KATNBL1: variants seen among roughly 807,000 people sequenced by gnomAD.
KATNBL1 encodes the protein KATNB1-like protein 1.
A neutral mutation model predicts 44.7 loss-of-function variants in KATNBL1; 28 were observed. The observed-to-expected ratio is 0.63, with a 90% CI of 0.46 to 0.86. The LOEUF (loss-of-function observed/expected upper bound fraction) is 0.86, where lower values mean the gene tolerates loss of function less well. Among genes scored for constraint, KATNBL1 ranks in the 40% least tolerant of loss-of-function variants. The probability of loss-of-function intolerance (pLI) is 0.00; values close to 1 mark genes in which losing one functional copy is unlikely to be tolerated. For missense variants in KATNBL1, 272 were observed against 350.7 expected, an observed-to-expected ratio of 0.78 and a Z score of 1.79; for synonymous variants, 78 against 114.9, an observed-to-expected ratio of 0.68 and a Z score of 2.06.
chr15:34,179,472 G>A (rs1178350282), intron 1 of KATNBL1, among the ~76,000 whole-genome samples: 1 of 152,054 alleles, frequency 6.6e-6, no homozygotes, highest in African/African-American at 2.4e-5. Context: ...ACTCTGGAGC[G>A]CACATTGAAA....
chr15:34,165,656 C>T (rs528079290), intron 1 of KATNBL1, among the ~76,000 whole-genome samples: 2 of 152,044 alleles, frequency 1.3e-5, no homozygotes, highest in African/African-American at 4.8e-5. Flanking sequence ...ATTAGCAGGG[C>T]GTGGTGGTGG....
At chr15:34,145,200 T>C (rs781675029) in intron 9 of KATNBL1, 198 bp downstream of exon 9, 2 of 1,373,718 alleles carry the variant, frequency 1.5e-6, no homozygotes, top group South Asian at 2.5e-5. Context: ...TGAAACATGT[T>C]CAATGGCCAA....
At chr15:34,185,605 A>G (rs1239768561) in intron 1 of KATNBL1, among the ~76,000 whole-genome samples, 1 of 152,250 alleles carries the variant, frequency 6.6e-6, no homozygotes, top group Non-Finnish European at 1.5e-5. Flanking sequence ...TGTTACCAGA[A>G]CAGCAGGGGT....
At chr15:34,170,033 C>A (rs553599853) in intron 1 of KATNBL1, among the ~76,000 whole-genome samples, 406 of 152,290 alleles carry the variant, frequency 2.7e-3, no homozygotes, top group Middle Eastern at 6.8e-3. Flanking sequence ...TGGCACAAGA[C>A]ACGGATGCCC....
At chr15:34,158,899 A>G (rs182452089) in intron 2 of KATNBL1, among the ~76,000 whole-genome samples, 65 of 152,316 alleles carry the variant, frequency 4.3e-4, no homozygotes, top group Non-Finnish European at 7.5e-4. Context: ...TTCTTAAATC[A>G]GGTCTGACTT....
chr15:34,143,191 G>A (rs1367067137), intron 9 of KATNBL1, among the ~76,000 whole-genome samples: 1 of 151,642 alleles, frequency 6.6e-6, no homozygotes, highest in Non-Finnish European at 1.5e-5. Context: ...AAAACTGATT[G>A]TGGCCGGGTG....
intron 1 of KATNBL1, among the ~76,000 whole-genome samples, chr15:34,186,103 T>C (rs562840322): frequency 1.3e-5 from 2 of 152,204 alleles, no homozygotes; most frequent in Non-Finnish European, 2.9e-5. Context: ...TTTCTATTTA[T>C]TAGTCCCTCG....
At chr15:34,191,294 A>G (rs1597458655) in intron 1 of KATNBL1, among the ~76,000 whole-genome samples, 1 of 151,828 alleles carries the variant, frequency 6.6e-6, no homozygotes, top group Admixed American at 6.6e-5. Context: ...GACTGTTAAC[A>G]TAACAGTCTA....
intron 4 of KATNBL1, among the ~76,000 whole-genome samples, chr15:34,149,986 T>C (rs931282618): frequency 2.0e-5 from 3 of 152,276 alleles, no homozygotes; most frequent in Non-Finnish European, 4.4e-5. Context: ...TCCTGATATA[T>C]GTAAATATGT....
intron 9 of KATNBL1, among the ~76,000 whole-genome samples, chr15:34,143,741 A>G (rs1256113190): frequency 6.7e-6 from 1 of 149,482 alleles, no homozygotes; most frequent in African/African-American, 2.5e-5. Flanking sequence ...TGAGGTCAAG[A>G]GATCAAGACC....
intron 1 of KATNBL1, among the ~76,000 whole-genome samples, chr15:34,186,029 T>A (rs1889705427): frequency 6.6e-6 from 1 of 152,238 alleles, no homozygotes; most frequent in Non-Finnish European, 1.5e-5. Context: ...TCAATTTCTA[T>A]GTTTATTCAA....
At chr15:34,161,257 T>C (rs907359898) in intron 2 of KATNBL1, among the ~76,000 whole-genome samples, 4 of 152,232 alleles carry the variant, frequency 2.6e-5, no homozygotes, top group African/African-American at 7.2e-5. Flanking sequence ...ATTATTTTTT[T>C]TCCCCCAAGT....
chr15:34,173,400 T>C (rs1282784698), intron 1 of KATNBL1, among the ~76,000 whole-genome samples: 1 of 152,086 alleles, frequency 6.6e-6, no homozygotes, highest in South Asian at 2.1e-4. Flanking sequence ...CATGTAAAAA[T>C]GACAGATACA....
At chr15:34,198,012 C>T (rs1219265604) in intron 1 of KATNBL1, among the ~76,000 whole-genome samples, 1 of 152,170 alleles carries the variant, frequency 6.6e-6, no homozygotes, top group African/African-American at 2.4e-5. Flanking sequence ...CGGCCTCCCA[C>T]ACAAAGTGCT....
rs546492552 is a variant in KATNBL1, at chr15:34,171,156, G to A, written c.-14-7466C>T. 1.1e-4 allele frequency among the ~76,000 whole-genome samples: 16 copies of A among 152,268 alleles called. No individual in the cohort carries two copies. The South Asian group carries it at 3.3e-3, about 32-fold the overall frequency. ...CATCAGAGTGAACAGGCAGCCTATA[G>A]AACGGGAGAAAATTTTTGCAATCTA... is the stretch of plus-strand genomic sequence containing the variant. On this transcript the variant is annotated intron_variant, in intron 1 of 9. Coordinates refer to ENST00000256544, the MANE Select transcript of KATNBL1 (RefSeq NM_024713.3).
chr15:34,198,006 C>G lies in KATNBL1; in HGVS notation c.-15+11945G>C, dbSNP rs1347662327. 2.0e-5 allele frequency among the ~76,000 whole-genome samples: 3 copies of G among 152,318 alleles called. No homozygotes were observed. In the East Asian group the frequency reaches 5.8e-4, roughly 29 times the overall value. ...CAGGTAATCCATTCGCTGCCTCGGC[C>G]TCCCACACAAAGTGCTGGGATTATA... On this transcript the variant is annotated intron_variant, in intron 1 of 9. Transcript: ENST00000256544.
At chr15:34,162,509 A>G (rs1482200112) in intron 2 of KATNBL1, among the ~76,000 whole-genome samples, 1 of 152,216 alleles carries the variant, frequency 6.6e-6, no homozygotes, top group Non-Finnish European at 1.5e-5. Flanking sequence ...AAAACGGAAT[A>G]ATACAACATC....
chr15:34,186,870 C>T (rs921086585), intron 1 of KATNBL1, among the ~76,000 whole-genome samples: 2 of 152,184 alleles, frequency 1.3e-5, no homozygotes, highest in African/African-American at 4.8e-5. Flanking sequence ...CCAGGGAGGA[C>T]CTGAAGGAAG....
chr15:34,209,024 A>C (rs750663289), intron 1 of KATNBL1: 2 of 152,192 alleles, frequency 1.3e-5, no homozygotes, highest in African/African-American at 2.4e-5. Context: ...AGCTCTTAAT[A>C]CGCCCAGCGC....
Sources: allele counts gnomAD v4.1 joint callset (sites outside exome capture counted in the v4.1 genomes callset), GRCh38; gene constraint gnomAD v4.1.1; transcripts MANE v1.5; gene names NCBI Gene and HGNC (gene_info 2026-07-23, HGNC 2026-07-21).